Variants in SPATA17 observed in about 807,000 individuals in gnomAD.
SPATA17 encodes spermatogenesis associated 17.
Under a neutral mutation model 62.2 loss-of-function variants are expected in SPATA17, and 53 were observed. The ratio of observed to expected loss-of-function variants is 0.85; its 90% CI spans 0.68 to 1.07. SPATA17 has a LOEUF of 1.07. Ranked by LOEUF, SPATA17 falls within the 50% of genes least tolerant of loss-of-function variation. The pLI is 0.00. For missense variants in SPATA17, 466 were observed against 425.5 expected (o/e 1.10, Z -0.84); for synonymous variants, 146 against 146.8 (o/e 0.99, Z 0.04).
rs183976211 is a variant in SPATA17, at chr1:217,760,736, T to C, written c.520-13598T>C. Among the ~76,000 whole-genome samples the C allele has an allele frequency of 3.0e-3, 451 of 152,334 alleles. 4 individuals are homozygous for C. Among genetic ancestry groups the C allele is most frequent in the South Asian group, 6.4e-3 (31 of 4,826 alleles). The stretch of plus-strand genomic sequence containing the variant: ...ACAAAAGAAAATTTTCGTTCACTTG[T>C]CTAGTTCTGTAATTCTGGAGGTTTT... On this transcript the variant is annotated intron_variant, in intron 6 of 10. Coordinates refer to ENST00000366933, the MANE Select transcript of SPATA17 (RefSeq NM_138796.4).
At chr1:217,727,284 AATAAC>A (rs1672287218) in intron 5 of SPATA17, among the ~76,000 whole-genome samples, 1 of 146,926 alleles carries the variant, frequency 6.8e-6, no homozygotes, top group African/African-American at 2.6e-5. Flanking sequence ...TAATAATAAT[AATAAC>A]AACAAAAAAC....
intron 5 of SPATA17, among the ~76,000 whole-genome samples, chr1:217,719,126 A>C (rs1486179481): frequency 2.0e-5 from 3 of 152,230 alleles, no homozygotes; most frequent in Admixed American, 1.3e-4. Context: ...CTACTAGAAC[A>C]ATGCATTCTC....
intron 8 of SPATA17, among the ~76,000 whole-genome samples, chr1:217,783,642 C>T (rs906046061): frequency 1.3e-5 from 2 of 151,962 alleles, no homozygotes; most frequent in Admixed American, 6.6e-5. Context: ...AATTCTTTTC[C>T]TATTTCCAAT....
intron 9 of SPATA17, among the ~76,000 whole-genome samples, chr1:217,830,783 T>C (rs1027497402): frequency 2.6e-5 from 4 of 152,108 alleles, no homozygotes; most frequent in African/African-American, 9.7e-5. Context: ...AATTTACAAG[T>C]TACTTTTTAG....
At chr1:217,756,403 A>G (rs1450555205) in intron 6 of SPATA17, among the ~76,000 whole-genome samples, 1 of 152,138 alleles carries the variant, frequency 6.6e-6, no homozygotes, top group Non-Finnish European at 1.5e-5. Context: ...TGTGTGCCCC[A>G]AATTAAACCA....
At chr1:217,740,012 G>GT (rs1266545466) in intron 5 of SPATA17, among the ~76,000 whole-genome samples, 10 of 151,752 alleles carry the variant, frequency 6.6e-5, no homozygotes, top group African/African-American at 2.4e-4. Context: ...CCATGCCACT[G>GT]TATACATACT....
intron 8 of SPATA17, among the ~76,000 whole-genome samples, chr1:217,800,124 C>T (rs1674270678): frequency 6.6e-6 from 1 of 151,996 alleles, no homozygotes; most frequent in Non-Finnish European, 1.5e-5. Context: ...GTCCTTCTTC[C>T]ACGTTGATTA....
chr1:217,852,050 G>T (rs1364222487), intron 9 of SPATA17, among the ~76,000 whole-genome samples: 1 of 152,078 alleles, frequency 6.6e-6, no homozygotes, highest in Admixed American at 6.6e-5. Context: ...AAACTGAAGG[G>T]TGAACAATTT....
At chr1:217,731,363 A>G (rs12061199) in intron 5 of SPATA17, among the ~76,000 whole-genome samples, 7,305 of 151,924 alleles carry the variant, frequency 0.048, 573 homozygotes, top group African/African-American at 0.16. Flanking sequence ...TGGACATCCC[A>G]CCAACATCTC....
chr1:217,781,594 A>G (rs1255493862), intron 7 of SPATA17, among the ~76,000 whole-genome samples: 1 of 152,194 alleles, frequency 6.6e-6, no homozygotes, highest in Admixed American at 6.5e-5. Flanking sequence ...TATTGGTATC[A>G]GAGTAATTGA....
At chr1:217,811,695 G>GAA (rs34981943) in intron 9 of SPATA17, among the ~76,000 whole-genome samples, 154 of 127,478 alleles carry the variant, frequency 1.2e-3, no homozygotes, top group East Asian at 2.8e-3. Context: ...TCCACCTCGA[G>GAA]AAAAAAAAAA....
chr1:217,691,266 T>C lies in SPATA17; in HGVS notation c.395+7905T>C, dbSNP rs1408239747. Among the ~76,000 whole-genome samples the C allele has an allele frequency of 3.9e-5, 5 of 126,718 alleles. No homozygotes were observed. In the East Asian group the frequency reaches 1.1e-3, roughly 28 times the overall value. The allele number at this position is 126,718 out of a possible 152,430, so 83.1% of individuals were successfully genotyped here. A position where few individuals can be genotyped will look rare whatever the true frequency, so the allele number is the denominator to read the frequency against. On this transcript the variant is annotated intron_variant, in intron 5 of 10. Transcript: ENST00000366933. ...TGATGATGAGCATTTCTTCATGTGT[T>C]TTTTGGCTGCATAAATGTCTTCTTT...
chr1:217,796,845 T>G (rs1381238767), intron 8 of SPATA17, among the ~76,000 whole-genome samples: 1 of 152,238 alleles, frequency 6.6e-6, no homozygotes, highest in Non-Finnish European at 1.5e-5. Context: ...ACGGTAAAGA[T>G]GCTTTTTATT....
At chr1:217,699,105 C>T (rs968968400) in intron 5 of SPATA17, among the ~76,000 whole-genome samples, 10 of 152,102 alleles carry the variant, frequency 6.6e-5, no homozygotes, top group African/African-American at 2.4e-4. Flanking sequence ...ACCATTTACC[C>T]ATTGAAGGAT....
chr1:217,741,935 C>T (rs776636928), intron 5 of SPATA17, 40 bp from the exon 6 acceptor site: 12 of 1,610,774 alleles, frequency 7.4e-6, no homozygotes, highest in Non-Finnish European at 9.3e-6. Context: ...AAAATGTTAA[C>T]ACATAGTATC....
chr1:217,864,410 C>T (rs192085341), intron 10 of SPATA17, among the ~76,000 whole-genome samples: 1 of 152,002 alleles, frequency 6.6e-6, no homozygotes, highest in Admixed American at 6.6e-5. Context: ...TTTAAAAATG[C>T]CTACAATATA....
At chr1:217,660,669 T>G (rs1670546379) in intron 3 of SPATA17, among the ~76,000 whole-genome samples, 1 of 152,182 alleles carries the variant, frequency 6.6e-6, no homozygotes, top group East Asian at 1.9e-4. Context: ...TCTTTTCCTC[T>G]GGCAAAAGAA....
intron 7 of SPATA17, among the ~76,000 whole-genome samples, chr1:217,775,804 T>A (rs1673575889): frequency 6.6e-6 from 1 of 152,080 alleles, no homozygotes; most frequent in African/African-American, 2.4e-5. Flanking sequence ...ACTCTAATTT[T>A]AAATAATAAA....
chr1:217,833,562 G>T (rs187595812), intron 9 of SPATA17, among the ~76,000 whole-genome samples: 78 of 152,176 alleles, frequency 5.1e-4, no homozygotes, highest in African/African-American at 1.7e-3. Context: ...TAACCATTTG[G>T]TTTCATTTTC....
Sources: allele counts gnomAD v4.1 joint callset (sites outside exome capture counted in the v4.1 genomes callset), GRCh38; gene constraint gnomAD v4.1.1; transcripts MANE v1.5; gene names NCBI Gene and HGNC (gene_info 2026-07-23, HGNC 2026-07-21).